Variants in GLCE observed in about 807,000 individuals in gnomAD.
GLCE encodes the protein glucuronic acid epimerase.
GLCE carries 19 observed loss-of-function variants against 47.9 expected under a neutral mutation model. The ratio of observed to expected loss-of-function variants is 0.40; its 90% CI spans 0.28 to 0.58. GLCE has a LOEUF of 0.58. Ranked by LOEUF, GLCE falls within the 20% of genes least tolerant of loss-of-function variation. The pLI is 0.48. For synonymous variants in GLCE, 245 were observed against 263.4 expected (o/e 0.93, Z 0.68); for missense variants, 556 against 743.3 (o/e 0.75, Z 2.93).
chr15:69,214,314 T>G (rs2052274535), intron 2 of GLCE, among the ~76,000 whole-genome samples: 1 of 152,070 alleles, frequency 6.6e-6, no homozygotes, highest in Non-Finnish European at 1.5e-5. Context: ...CCCCACATGT[T>G]GAGGGAGAGA....
chr15:69,220,687 TA>T (rs2052366799), intron 2 of GLCE, among the ~76,000 whole-genome samples: 1 of 152,212 alleles, frequency 6.6e-6, no homozygotes, highest in Non-Finnish European at 1.5e-5. Flanking sequence ...ATTAATCCCT[TA>T]TCAGATACAT....
intron 3 of GLCE, among the ~76,000 whole-genome samples, chr15:69,260,458 C>T (rs2052998258): frequency 6.6e-6 from 1 of 152,044 alleles, no homozygotes; most frequent in Non-Finnish European, 1.5e-5. Flanking sequence ...CGGGGTTTCA[C>T]CGTGTTGCCC....
intron 2 of GLCE, among the ~76,000 whole-genome samples, chr15:69,242,095 A>C (rs2052680234): frequency 6.6e-6 from 1 of 152,196 alleles, no homozygotes; most frequent in South Asian, 2.1e-4. Flanking sequence ...AGTACTTTGC[A>C]GTGTAGATAA....
At chr15:69,168,082 G>A (rs553544588) in intron 1 of GLCE, among the ~76,000 whole-genome samples, 24 of 151,412 alleles carry the variant, frequency 1.6e-4, no homozygotes, top group South Asian at 8.4e-4. Flanking sequence ...TTTCTTTTTT[G>A]TGCTTTTCAC....
At chr15:69,182,995 T>C (rs537739812) in intron 1 of GLCE, among the ~76,000 whole-genome samples, 2 of 152,204 alleles carry the variant, frequency 1.3e-5, no homozygotes, top group Admixed American at 6.5e-5. Flanking sequence ...TGAGACCCTG[T>C]CTCAGAACAA....
chr15:69,242,692 A>C (rs2140420479), intron 2 of GLCE, among the ~76,000 whole-genome samples: 1 of 152,208 alleles, frequency 6.6e-6, no homozygotes, highest in South Asian at 2.1e-4. Context: ...ACTTCTTAAA[A>C]TTATTTTTTT....
chr15:69,224,883 T>C (rs754680393), intron 2 of GLCE, among the ~76,000 whole-genome samples: 3 of 152,254 alleles, frequency 2.0e-5, no homozygotes, highest in Non-Finnish European at 2.9e-5. Context: ...GTTGTCTAAG[T>C]TGGGAGACAG....
chr15:69,265,874 A>G (rs1474960808), intron 4 of GLCE, among the ~76,000 whole-genome samples: 1 of 152,202 alleles, frequency 6.6e-6, no homozygotes, highest in Admixed American at 6.5e-5. Context: ...TCTGATGAGA[A>G]TGAAAAAATA....
intron 2 of GLCE, among the ~76,000 whole-genome samples, chr15:69,244,053 A>G (rs1415791691): frequency 1.3e-5 from 2 of 152,232 alleles, no homozygotes; most frequent in Admixed American, 6.5e-5. Context: ...ACATTTTCAA[A>G]GCCTCACATT....
At chr15:69,242,054 T>TG (rs1403921968) in intron 2 of GLCE, among the ~76,000 whole-genome samples, 1 of 152,208 alleles carries the variant, frequency 6.6e-6, no homozygotes, top group Non-Finnish European at 1.5e-5. Context: ...ATTGGATTGT[T>TG]GCAGAAATTA....
At chr15:69,267,446 C>CT (rs985717509) in intron 4 of GLCE, among the ~76,000 whole-genome samples, 2 of 152,236 alleles carry the variant, frequency 1.3e-5, no homozygotes, top group Non-Finnish European at 2.9e-5. Context: ...AAAGCCTGAG[C>CT]TTTACCCTGT....
At chr15:69,175,976 A>G (rs2051655852) in intron 1 of GLCE, among the ~76,000 whole-genome samples, 1 of 152,184 alleles carries the variant, frequency 6.6e-6, no homozygotes, top group African/African-American at 2.4e-5. Flanking sequence ...GGAGGTGAGT[A>G]TACTGGCTGG....
chr15:69,250,539 G>T (rs573844082), intron 2 of GLCE, among the ~76,000 whole-genome samples: 2 of 151,136 alleles, frequency 1.3e-5, no homozygotes, highest in Non-Finnish European at 2.9e-5. Context: ...ACAGGATCTC[G>T]CTGTGTTGCC....
intron 1 of GLCE, among the ~76,000 whole-genome samples, chr15:69,181,499 A>G (rs775520116): frequency 2.6e-5 from 4 of 152,216 alleles, no homozygotes; most frequent in African/African-American, 4.8e-5. Context: ...TTGGAAGCCA[A>G]TGAAGAAAGT....
intron 1 of GLCE, among the ~76,000 whole-genome samples, chr15:69,178,753 C>T (rs2051708821): frequency 6.6e-6 from 1 of 152,052 alleles, no homozygotes. Context: ...GACAAGTTGA[C>T]TTTACATGTT....
At chr15:69,184,267 T>C (rs1171623042) in intron 1 of GLCE, among the ~76,000 whole-genome samples, 2 of 152,208 alleles carry the variant, frequency 1.3e-5, no homozygotes, top group Non-Finnish European at 2.9e-5. Flanking sequence ...TTCAATTTAG[T>C]TGTAGCTCTG....
intron 1 of GLCE, among the ~76,000 whole-genome samples, chr15:69,200,225 A>T (rs1292573694): frequency 1.3e-5 from 2 of 152,120 alleles, no homozygotes; most frequent in African/African-American, 2.4e-5. Flanking sequence ...AATTACTGTT[A>T]AACAGATTGT....
intron 1 of GLCE, among the ~76,000 whole-genome samples, chr15:69,193,161 T>C (rs928655013): frequency 2.0e-4 from 30 of 151,796 alleles, no homozygotes; most frequent in African/African-American, 7.3e-4. Flanking sequence ...TGTTCCTAGG[T>C]TCTTATGAGG....
intron 2 of GLCE, among the ~76,000 whole-genome samples, chr15:69,212,661 G>A (rs1456416195): frequency 6.6e-6 from 1 of 152,086 alleles, no homozygotes; most frequent in Non-Finnish European, 1.5e-5. Context: ...CAGACTAAAA[G>A]AGAATGTCAG....
Sources: allele counts gnomAD v4.1 joint callset (sites outside exome capture counted in the v4.1 genomes callset), GRCh38; gene constraint gnomAD v4.1.1; transcripts MANE v1.5; gene names NCBI Gene and HGNC (gene_info 2026-07-23, HGNC 2026-07-21).